CSK: variants seen among roughly 807,000 people sequenced by gnomAD.
CSK encodes C-terminal Src kinase.
Under a neutral mutation model 62.3 loss-of-function variants are expected in CSK, and 7 were observed. The ratio of observed to expected loss-of-function variants is 0.11; its 90% CI spans 0.06 to 0.21. The LOEUF is 0.21. Ranked by LOEUF, CSK falls within the 10% of genes least tolerant of loss-of-function variation. CSK has a pLI of 1.00. For missense variants in CSK, 294 were observed against 613.5 expected (o/e 0.48, Z 5.50); for synonymous variants, 237 against 246.0 (o/e 0.96, Z 0.34).
intron 1 of CSK, chr15:74,797,807 T>G (rs1437594211): frequency 6.4e-6 from 1 of 155,204 alleles, no homozygotes; most frequent in African/African-American, 2.4e-5. Context: ...AGATGCTACC[T>G]GGGCGGGATT....
intron 9 of CSK, 96 bp from the exon 10 acceptor site, chr15:74,801,426 C>T: frequency 8.1e-7 from 1 of 1,238,230 alleles, no homozygotes; most frequent in South Asian, 1.4e-5. Context: ...TCTCACACCT[C>T]CCTGGAGTGT....
At position 74,801,000 on chromosome 15, in the gene CSK, G is replaced by T; in HGVS notation, c.723-12G>T. The T allele has an allele frequency of 6.2e-7, 1 of 1,613,118 alleles. No individual in the cohort carries two copies. The highest frequency in any genetic ancestry group is 1.1e-5 in the South Asian group (1 of 91,088). On this transcript the variant is annotated splice_polypyrimidine_tract_variant and intron_variant, in intron 8 of 12. Transcript: ENST00000220003. ...CAGCTTCCCCTTTCTGACCACTCTCGTCCTGCCCCAGGCAACTGCGGCATA... is the reference window on the plus strand; with the variant it reads ...CAGCTTCCCCTTTCTGACCACTCTCTTCCTGCCCCAGGCAACTGCGGCATA...
chr15:74,792,251 G>T (rs2063633293), intron 1 of CSK, among the ~76,000 whole-genome samples: 1 of 152,104 alleles, frequency 6.6e-6, no homozygotes, highest in African/African-American at 2.4e-5. Context: ...TAAGGCATGG[G>T]TACTCCAGAA....
chr15:74,795,295 C>T (rs1210025675), intron 1 of CSK, among the ~76,000 whole-genome samples: 2 of 152,150 alleles, frequency 1.3e-5, no homozygotes, highest in Non-Finnish European at 2.9e-5. Flanking sequence ...TCTTCTCCCG[C>T]GCCACTGCAC....
At position 74,786,041 on chromosome 15, in the gene CSK, G is replaced by GTGTA. The variant is rs1309378640; in HGVS notation, c.-66+3323_-66+3324insTATG. ...TGTGTGTGTGTGTGTGTGTGTGTGT[G>GTGTA]TGAGATGGAGTTTTGCTCTTGTTGC... On this transcript the variant is annotated intron_variant, in intron 1 of 12. Transcript: ENST00000220003. Among the ~76,000 whole-genome samples, 65 of 119,160 alleles carry GTGTA rather than the reference G, an allele frequency of 5.5e-4. No homozygotes were observed. The Middle Eastern group carries it at 0.03, about 56-fold the overall frequency. 78.2% of individuals were successfully genotyped at this position (119,160 alleles called of 152,430 possible).
At chr15:74,800,084 G>A (rs879671711) in intron 5 of CSK, among the ~76,000 whole-genome samples, 3 of 152,200 alleles carry the variant, frequency 2.0e-5, no homozygotes, top group African/African-American at 7.2e-5. Flanking sequence ...TGTGGCAGGT[G>A]AGGGTGGGGT....
rs1232728038 is a variant in CSK, at chr15:74,786,000, C to CTTTTTTTTTTT, written c.-66+3281_-66+3282insTTTTTTTTTTT. Reference sequence around the variant, plus strand: ...CAAGGCCTCTTCTCTCTCTCTCTCTCTCTTTTTTTTTTTTGTGTGTGTGTG... The same window carrying CTTTTTTTTTTT: ...CAAGGCCTCTTCTCTCTCTCTCTCTCTTTTTTTTTTTTCTTTTTTTTTTTTGTGTGTGTGTG... On this transcript the variant is annotated intron_variant, in intron 1 of 12. Transcript: ENST00000220003. Among the ~76,000 whole-genome samples the CTTTTTTTTTTT allele has an allele frequency of 4.5e-4, 27 of 59,928 alleles. 2 individuals are homozygous for CTTTTTTTTTTT. Among genetic ancestry groups the CTTTTTTTTTTT allele is most frequent in the Non-Finnish European group, 7.3e-4 (20 of 27,458 alleles). The allele number at this position is 59,928 out of a possible 152,430, so 39.3% of individuals were successfully genotyped here.
Position 74,802,585 on chromosome 15 carries a change from T to A in CSK, c.*72T>A. On this transcript the variant is annotated 3_prime_UTR_variant, in exon 13 of 13. Coordinates refer to ENST00000220003, the MANE Select transcript of CSK (RefSeq NM_004383.3). ...AAGATCATGGACCTGGTGCCCCTGC[T>A]CACTGGGCCCGAGCCTGAACTGAGC... The A allele has an allele frequency of 6.4e-7, 1 of 1,564,298 alleles. No individual in the cohort carries two copies. Among genetic ancestry groups the A allele is most frequent in the Non-Finnish European group, 8.6e-7 (1 of 1,156,780 alleles).
chr15:74,800,811 C>A lies in CSK; in HGVS notation c.623-12C>A. Reference sequence around the variant, plus strand: ...TCCGAACTTGGGAACAAGACCACCTCTCTGCCCCCAGACGTGATGCTGGGC... The same window carrying A: ...TCCGAACTTGGGAACAAGACCACCTATCTGCCCCCAGACGTGATGCTGGGC... On this transcript the variant is annotated splice_polypyrimidine_tract_variant and intron_variant, in intron 7 of 12. Transcript: ENST00000220003. 1 of 1,608,536 alleles carries A rather than the reference C, an allele frequency of 6.2e-7. No homozygotes were observed. Among genetic ancestry groups the A allele is most frequent in the East Asian group, 2.2e-5 (1 of 44,640 alleles).
intron 1 of CSK, among the ~76,000 whole-genome samples, chr15:74,785,271 G>C (rs2063498153): frequency 6.6e-6 from 1 of 152,170 alleles, no homozygotes; most frequent in African/African-American, 2.4e-5. Flanking sequence ...GTGCTACGCG[G>C]TCTAAGTAAC....
chr15:74,784,266 A>C (rs2063482576), intron 1 of CSK, among the ~76,000 whole-genome samples: 1 of 152,042 alleles, frequency 6.6e-6, no homozygotes, highest in African/African-American at 2.4e-5. Flanking sequence ...GAGGGGACCC[A>C]GATGTCCTGG....
intron 4 of CSK, 130 bp from the exon 5 acceptor site, chr15:74,799,142 G>T (rs2063751244): frequency 9.4e-7 from 1 of 1,068,306 alleles, no homozygotes; most frequent in Non-Finnish European, 1.3e-6. Flanking sequence ...GGGAGCAGAA[G>T]AAGAGGGCCT....
At chr15:74,787,933 G>A (rs1220098324) in intron 1 of CSK, among the ~76,000 whole-genome samples, 1 of 152,236 alleles carries the variant, frequency 6.6e-6, no homozygotes. Flanking sequence ...AGGATGAAGA[G>A]CAAACCCTGA....
At chr15:74,788,974 T>G (rs2063571323) in intron 1 of CSK, among the ~76,000 whole-genome samples, 1 of 152,088 alleles carries the variant, frequency 6.6e-6, no homozygotes, top group Non-Finnish European at 1.5e-5. Context: ...TCCTGAGCGG[T>G]AATTAGAAAC....
chr15:74,798,211 G>A lies in CSK; in HGVS notation c.-65-22G>A. Reference sequence around the variant, plus strand: ...GGGCATTTCTTCACACCCCTCCTCAGTCTTCATGCTCTTCCCCACAGCTCT... The same window carrying A: ...GGGCATTTCTTCACACCCCTCCTCAATCTTCATGCTCTTCCCCACAGCTCT... On this transcript the variant is annotated intron_variant, in intron 1 of 12. Transcript: ENST00000220003. This position sits in a 1 kb window ranked among gnomAD's most constrained non-coding sequence, Gnocchi z 6.6. The A allele has an allele frequency of 6.9e-7, 1 of 1,458,882 alleles. No individual in the cohort carries two copies. Among genetic ancestry groups the A allele is most frequent in the South Asian group, 1.4e-5 (1 of 72,208 alleles). 90.4% of individuals were successfully genotyped at this position (1,458,882 alleles called of 1,614,324 possible).
chr15:74,796,595 A>C (rs2063709407), intron 1 of CSK, among the ~76,000 whole-genome samples: 1 of 146,560 alleles, frequency 6.8e-6, no homozygotes, highest in South Asian at 2.1e-4. Context: ...CCCTTTCTCA[A>C]AAAAAAAAAA....
chr15:74,800,770 G>C (rs888147169), intron 7 of CSK, 24 bp downstream of exon 7: 1 of 1,586,044 alleles, frequency 6.3e-7, no homozygotes, highest in South Asian at 1.1e-5. Context: ...GGCCCCCTGG[G>C]GGGGTTCTGA....
At chr15:74,793,869 A>C (rs1261232733) in intron 1 of CSK, among the ~76,000 whole-genome samples, 3 of 151,674 alleles carry the variant, frequency 2.0e-5, no homozygotes, top group African/African-American at 7.3e-5. Flanking sequence ...GAGTTTGGGG[A>C]GGAAGGGGGA....
In CSK at chr15:74,797,298, G is replaced by A. The variant is rs910720157; in HGVS notation, c.-65-935G>A. The stretch of plus-strand genomic sequence containing the variant: ...TGGCCAGGCACGGTGACTGGCACCT[G>A]TAATCCCAGCATTTTGGGAGGCCGA... On this transcript the variant is annotated intron_variant, in intron 1 of 12. Transcript: ENST00000220003. Among the ~76,000 whole-genome samples, 3 of 152,330 alleles carry A rather than the reference G, an allele frequency of 2.0e-5. No individual in the cohort carries two copies. The South Asian group carries it at 6.2e-4, about 32-fold the overall frequency.
Sources: gnomAD v4.1 joint callset for allele counts (sites outside exome capture counted in the v4.1 genomes callset) on GRCh38, gnomAD v4.1.1 for gene constraint, Gnocchi (gnomAD v3.1) non-coding constraint, MANE v1.5 for transcripts, NCBI Gene and HGNC (gene_info 2026-07-23, HGNC 2026-07-21) for gene names.